Variants in SLCO3A1 observed in about 807,000 individuals in gnomAD.
SLCO3A1 encodes solute carrier organic anion transporter family member 3A1, also known as PGE1 transporter.
SLCO3A1 carries 27 observed loss-of-function variants against 63.1 expected under a neutral mutation model. The ratio of observed to expected loss-of-function variants is 0.43; its 90% CI spans 0.32 to 0.59. The LOEUF is 0.59. Ranked by LOEUF, SLCO3A1 falls within the 20% of genes least tolerant of loss-of-function variation. The pLI is 0.09. For missense variants in SLCO3A1, 773 were observed against 945.8 expected, an observed-to-expected ratio of 0.82 and a Z score of 2.40; for synonymous variants, 473 against 409.9, an observed-to-expected ratio of 1.15 and a Z score of -1.86.
chr15:92,131,992 G>A (rs2048002165), intron 7 of SLCO3A1, among the ~76,000 whole-genome samples: 2 of 145,712 alleles, frequency 1.4e-5, no homozygotes, highest in South Asian at 2.2e-4. Context: ...ATGGAACCTT[G>A]CATTCTCACT....
Position 92,165,418 on chromosome 15 carries a change from A to T in SLCO3A1, c.*2283A>T, listed in dbSNP as rs1213586494. The T allele has an allele frequency of 1.0e-6, 1 of 985,140 alleles. No homozygotes were observed. The highest frequency in any genetic ancestry group is 1.2e-6 in the Non-Finnish European group (1 of 829,852). 61.0% of individuals were successfully genotyped at this position (985,140 alleles called of 1,614,324 possible). ...AATATATTGCTAATAGGTCACTCTT[A>T]TAGATTATTGCTTGGCCCTTCAAAC... is the stretch of plus-strand genomic sequence containing the variant. On this transcript the variant is annotated 3_prime_UTR_variant, in exon 10 of 10. Coordinates refer to ENST00000318445, the MANE Select transcript of SLCO3A1 (RefSeq NM_013272.4).
intron 2 of SLCO3A1, among the ~76,000 whole-genome samples, chr15:91,922,198 A>C (rs528987886): frequency 6.6e-6 from 1 of 152,030 alleles, no homozygotes. Context: ...GCGTGCACGC[A>C]CACACACACA....
chr15:92,049,504 A>G (rs185086308), intron 2 of SLCO3A1, among the ~76,000 whole-genome samples: 3 of 152,248 alleles, frequency 2.0e-5, no homozygotes, highest in Non-Finnish European at 2.9e-5. Flanking sequence ...ATTCTGCCCA[A>G]CACCTTGGGA....
At chr15:92,110,349 A>G (rs751544856) in intron 4 of SLCO3A1, among the ~76,000 whole-genome samples, 2 of 152,238 alleles carry the variant, frequency 1.3e-5, no homozygotes, top group Non-Finnish European at 2.9e-5. Context: ...GCTGTTGTCC[A>G]TGCTGTGATC....
chr15:92,147,984 A>T (rs576071034), intron 8 of SLCO3A1, among the ~76,000 whole-genome samples: 1 of 152,332 alleles, frequency 6.6e-6, no homozygotes, highest in East Asian at 1.9e-4. Flanking sequence ...TGGGAGGCCA[A>T]GGCTGGAGGA....
chr15:91,997,383 C>G (rs1265372023), intron 2 of SLCO3A1, among the ~76,000 whole-genome samples: 3 of 152,182 alleles, frequency 2.0e-5, no homozygotes, highest in African/African-American at 7.2e-5. Context: ...AAAAACATCC[C>G]ATGCTCATGA....
intron 1 of SLCO3A1, among the ~76,000 whole-genome samples, chr15:91,898,984 A>G (rs568112462): frequency 6.6e-6 from 1 of 152,114 alleles, no homozygotes; most frequent in Admixed American, 6.5e-5. Flanking sequence ...TGGGATGAAG[A>G]GTGGCCAAGT....
At chr15:92,053,803 C>G (rs2046990134) in intron 2 of SLCO3A1, among the ~76,000 whole-genome samples, 1 of 151,218 alleles carries the variant, frequency 6.6e-6, no homozygotes, top group Non-Finnish European at 1.5e-5. Context: ...AGGGCACATA[C>G]AATCAGTAGG....
At chr15:92,009,861 G>T (rs1324422175) in intron 2 of SLCO3A1, among the ~76,000 whole-genome samples, 1 of 152,220 alleles carries the variant, frequency 6.6e-6, no homozygotes, top group African/African-American at 2.4e-5. Context: ...AGATGGGCAG[G>T]CGATGTGCAA....
intron 1 of SLCO3A1, among the ~76,000 whole-genome samples, chr15:91,880,175 A>C: frequency 6.9e-6 from 1 of 145,868 alleles, no homozygotes; most frequent in African/African-American, 2.6e-5. Flanking sequence ...CCATCCATCT[A>C]TCTATCTATC....
At chr15:91,964,279 C>T (rs1365050469) in intron 2 of SLCO3A1, among the ~76,000 whole-genome samples, 4 of 149,330 alleles carry the variant, frequency 2.7e-5, no homozygotes, top group Non-Finnish European at 1.5e-5. Context: ...GTAGATACAA[C>T]GGCCTTGTCA....
chr15:91,916,541 G>A lies in SLCO3A1; in HGVS notation c.646+83G>A, dbSNP rs368112883. On this transcript the variant is annotated intron_variant, in intron 2 of 9. Coordinates refer to ENST00000318445, the MANE Select transcript of SLCO3A1 (RefSeq NM_013272.4). This position sits in a 1 kb window ranked among gnomAD's most constrained non-coding sequence, Gnocchi z 6.2. The stretch of plus-strand genomic sequence containing the variant: ...AGGTGGCCTGGTGGACTTTGATTTT[G>A]CCAGAGTACTGGTTCTCAGACTTGG... 1 of 1,058,300 alleles carries A rather than the reference G, an allele frequency of 9.4e-7. No homozygotes were observed. The highest frequency in any genetic ancestry group is 1.6e-5 in the African/African-American group (1 of 61,842). 65.6% of individuals were successfully genotyped at this position (1,058,300 alleles called of 1,614,324 possible).
At chr15:91,978,428 G>T (rs1267532917) in intron 2 of SLCO3A1, among the ~76,000 whole-genome samples, 1 of 152,172 alleles carries the variant, frequency 6.6e-6, no homozygotes, top group African/African-American at 2.4e-5. Flanking sequence ...TAGATTGAAG[G>T]CAGTGATCTT....
intron 2 of SLCO3A1, among the ~76,000 whole-genome samples, chr15:92,008,569 A>G (rs149165689): frequency 1.2e-3 from 182 of 152,326 alleles, no homozygotes; most frequent in African/African-American, 4.1e-3. Context: ...GCATACTACA[A>G]TCATCTAGAT....
chr15:92,021,320 A>G (rs1008875079), intron 2 of SLCO3A1, among the ~76,000 whole-genome samples: 3 of 152,350 alleles, frequency 2.0e-5, no homozygotes, highest in Admixed American at 1.3e-4. Context: ...TCATGTACCT[A>G]TCATACCATT....
chr15:92,111,197 C>T lies in SLCO3A1; in HGVS notation c.1009+6655C>T, dbSNP rs554622727. 5.3e-5 allele frequency among the ~76,000 whole-genome samples: 8 copies of T among 152,270 alleles called. No individual in the cohort carries two copies. The South Asian group carries it at 1.0e-3, about 20-fold the overall frequency. On this transcript the variant is annotated intron_variant, in intron 4 of 9. Transcript: ENST00000318445. ...TCTCCACATGACCCAGCTCATGCCTCTCCATAGCTCAGGCCTGGCCACAGG... is the reference window on the plus strand; with the variant it reads ...TCTCCACATGACCCAGCTCATGCCTTTCCATAGCTCAGGCCTGGCCACAGG...
downstream of SLCO3A1, chr15:92,166,037 G>GGTTTTGTTTTGTTTTTT (rs1596163685): frequency 2.7e-6 from 1 of 370,416 alleles, no homozygotes; most frequent in Non-Finnish European, 3.7e-6. Context: ...AGAAGGTTTG[G>GGTTTTGTTTTGTTTTTT]GTTTTGTTTT....
At chr15:91,958,600 A>G (rs1000223098) in intron 2 of SLCO3A1, among the ~76,000 whole-genome samples, 3 of 152,214 alleles carry the variant, frequency 2.0e-5, no homozygotes, top group African/African-American at 7.2e-5. Flanking sequence ...TAGCCCTTAT[A>G]CTACATTAAT....
Position 91,854,680 on chromosome 15 carries a change from A to G in SLCO3A1, c.180+592A>G, listed in dbSNP as rs923069917. Reference sequence around the variant, plus strand: ...GGGAATATTGCCACCCGGTATCCCTATAGCCCTCTTTGAGCGTCTGGGATA... The same window carrying G: ...GGGAATATTGCCACCCGGTATCCCTGTAGCCCTCTTTGAGCGTCTGGGATA... On this transcript the variant is annotated intron_variant, in intron 1 of 9. Transcript: ENST00000318445. This position sits in a 1 kb window ranked among gnomAD's most constrained non-coding sequence, Gnocchi z 6.4. Among the ~76,000 whole-genome samples, 27 of 152,264 alleles carry G rather than the reference A, an allele frequency of 1.8e-4. No individual in the cohort carries two copies. Among genetic ancestry groups the G allele is most frequent in the Admixed American group, 1.6e-3 (24 of 15,298 alleles).
Sources: allele counts gnomAD v4.1 joint callset (sites outside exome capture counted in the v4.1 genomes callset), GRCh38; gene constraint gnomAD v4.1.1; non-coding constraint Gnocchi (gnomAD v3.1); transcripts MANE v1.5; gene names NCBI Gene and HGNC (gene_info 2026-07-23, HGNC 2026-07-21).